Variants in CPAMD8 observed in about 807,000 individuals in gnomAD.
CPAMD8 encodes C3 and PZP-like alpha-2-macroglobulin domain-containing protein 8.
In CPAMD8, 146 loss-of-function variants were observed where a neutral mutation model predicts 224.7. The ratio of observed to expected loss-of-function variants is 0.65; its 90% CI spans 0.57 to 0.75. The LOEUF (loss-of-function observed/expected upper bound fraction) is 0.75, where lower values mean the gene tolerates loss of function less well. Among genes scored for constraint, CPAMD8 ranks in the 30% least tolerant of loss-of-function variants. The pLI, the probability that CPAMD8 is intolerant of heterozygous loss-of-function variation, is 0.00. For synonymous variants in CPAMD8, 966 were observed against 1,044.6 expected (o/e 0.92, Z 1.45); for missense variants, 2,301 against 2,537.5 (o/e 0.91, Z 2.00).
chr19:16,928,204 ACTCATTGGATGG>A lies in CPAMD8; in HGVS notation c.3163_3174del (p.Pro1055_Glu1058del). 1 of 1,613,954 alleles carries A rather than the reference ACTCATTGGATGG, an allele frequency of 6.2e-7. No individual in the cohort carries two copies. The stretch of plus-strand genomic sequence containing the variant: ...GGGAGGGTCCAGGCCACAATGACAG[ACTCATTGGATGG>A]CTCTGGACCATGGCCAACCTGGAAA... On this transcript the variant is annotated inframe_deletion, in exon 25 of 42. Coordinates refer to ENST00000443236, the MANE Select transcript of CPAMD8 (RefSeq NM_015692.5).
chr19:17,023,152 C>G (rs1008880437), intron 1 of CPAMD8, among the ~76,000 whole-genome samples: 4 of 152,112 alleles, frequency 2.6e-5, no homozygotes, highest in Non-Finnish European at 1.5e-5. Flanking sequence ...TCAAAGCAGG[C>G]CTCTCTTTCC....
chr19:16,927,592 G>T (rs1297087025), intron 25 of CPAMD8, among the ~76,000 whole-genome samples: 1 of 151,992 alleles, frequency 6.6e-6, no homozygotes, highest in East Asian at 1.9e-4. Context: ...CCATCACCAA[G>T]ACCCCCCAGG....
intron 21 of CPAMD8, among the ~76,000 whole-genome samples, 162 bp downstream of exon 21, chr19:16,946,912 A>G (rs564939645): frequency 6.6e-6 from 1 of 152,168 alleles, no homozygotes; most frequent in South Asian, 2.1e-4. Context: ...TCCTGGGCCC[A>G]TTCCTTCTGT....
chr19:16,914,791 A>G lies in CPAMD8; in HGVS notation c.3652T>C (p.Ser1218Pro). ...SMWLTAFVLK[S>P]FAQARSFIFV... ...ATAAAGCTGCGAGCCTGTGCGAAGG[A>G]CTTCAGGACAAAGGCTGTGAGCCTG... Residue 1218 changes from serine to proline, a missense_variant, in exon 28 of 42, where the codon TCC becomes CCC. Around this residue, in one of 4 missense-constraint regions of CPAMD8, gnomAD observed 1,709 missense variants for 1,753.2 expected, o/e 0.97. Transcript: ENST00000443236. The G allele has an allele frequency of 1.2e-6, 2 of 1,612,608 alleles. No homozygotes were observed. Among genetic ancestry groups the G allele is most frequent in the South Asian group, 2.2e-5 (2 of 90,852 alleles).
intron 3 of CPAMD8, among the ~76,000 whole-genome samples, chr19:17,019,970 T>TC (rs1395729714): frequency 1.3e-5 from 2 of 148,738 alleles, no homozygotes; most frequent in Non-Finnish European, 3.0e-5. Context: ...TTTTTTCTTT[T>TC]CTTTTTTTTT....
rs992165570 is a variant in CPAMD8 at position 16,945,538 on chromosome 19, C to T, written c.2793+11G>A. The T allele has an allele frequency of 6.2e-7, 1 of 1,613,292 alleles. No homozygotes were observed. Among genetic ancestry groups the T allele is most frequent in the Non-Finnish European group, 8.5e-7 (1 of 1,179,456 alleles). ...CCTGGCTAAGCACCAGAGATGAGGA[C>T]ACGGCCTTACCTCAACCATCACACT... is the stretch of plus-strand genomic sequence containing the variant. On this transcript the variant is annotated intron_variant, in intron 22 of 41. Coordinates refer to ENST00000443236, the MANE Select transcript of CPAMD8 (RefSeq NM_015692.5).
At position 16,893,221 on chromosome 19, in the gene CPAMD8, C is replaced by G; in HGVS notation, c.5545G>C (p.Val1849Leu). 6.3e-7 allele frequency: 1 copy of G among 1,589,418 alleles called. No individual in the cohort carries two copies. Among genetic ancestry groups the G allele is most frequent in the Non-Finnish European group, 8.6e-7 (1 of 1,166,258 alleles). ...AGCCCTGGCCTGTGGGCCCCCACCACCCGGCCACTATGTCTCTGAGGGGCC... is the reference window on the plus strand; with the variant it reads ...AGCCCTGGCCTGTGGGCCCCCACCAGCCGGCCACTATGTCTCTGAGGGGCC... ...TPAPQRHSGR[V>L]VGAHRPGLLS... is the part of the protein sequence containing the mutation. The change falls in exon 42 of 42, where the codon GTG (valine) becomes CTG (leucine). Residue 1849 changes from valine (V) to leucine (L), a missense_variant. Val to Leu is a conservative substitution (Grantham distance 32, BLOSUM62 1). Coordinates refer to ENST00000443236, the MANE Select transcript of CPAMD8 (RefSeq NM_015692.5).
intron 13 of CPAMD8, 124 bp downstream of exon 13, chr19:16,989,519 T>C (rs1387077020): frequency 3.3e-6 from 4 of 1,200,974 alleles, no homozygotes; most frequent in Non-Finnish European, 4.7e-6. Context: ...AATCCTAACC[T>C]CCAGTGATCC....
Position 17,002,339 on chromosome 19 carries a change from A to G in CPAMD8, c.685T>C (p.Phe229Leu). The change falls in exon 9 of 42, where the codon TTT (phenylalanine) becomes CTT (leucine). Residue 229 changes from phenylalanine (F) to leucine (L), a missense_variant. By Grantham distance (22) the Phe-to-Leu change is conservative (BLOSUM62 0). Coordinates refer to ENST00000443236, the MANE Select transcript of CPAMD8 (RefSeq NM_015692.5). ...CGGGGCGGGTCAATCAGAAGCTCAA[A>G]CTTGGGCAACACTGAAGAAAGCAAG... is the stretch of plus-strand genomic sequence containing the variant. ...FEVQKYVLPK[F>L]ELLIDPPRYI... 1.2e-6 allele frequency: 2 copies of G among 1,604,660 alleles called. No homozygotes were observed. Among genetic ancestry groups the G allele is most frequent in the South Asian group, 1.1e-5 (1 of 89,896 alleles).
At chr19:17,012,208 G>A (rs529803038) in intron 3 of CPAMD8, among the ~76,000 whole-genome samples, 4 of 152,210 alleles carry the variant, frequency 2.6e-5, no homozygotes, top group East Asian at 1.9e-4. Context: ...TAGTAGAAAC[G>A]GGGTTTCACC....
At chr19:16,940,599 C>T (rs111608174) in intron 22 of CPAMD8, among the ~76,000 whole-genome samples, 1,892 of 152,294 alleles carry the variant, frequency 0.012, 22 homozygotes, top group Middle Eastern at 0.031. Flanking sequence ...TTACAAAGCT[C>T]TCCTTGAAAT....
Position 16,904,217 on chromosome 19 carries a change from C to CCGGCT in CPAMD8, c.4251+4_4251+8dup. On this transcript the variant is annotated intron_variant, in intron 32 of 41. Transcript: ENST00000443236. ...CCTGAGCCCCTCCCTCTGGCCCTGC[C>CCGGCT]CGGCTCGCCTGAGTGGAGGAGAAGC... 1 of 1,603,372 alleles carries CCGGCT rather than the reference C, an allele frequency of 6.2e-7. No homozygotes were observed. Among genetic ancestry groups the CCGGCT allele is most frequent in the Non-Finnish European group, 8.5e-7 (1 of 1,176,218 alleles).
At chr19:16,995,335 T>G (rs2056089536) in intron 11 of CPAMD8, among the ~76,000 whole-genome samples, 1 of 152,242 alleles carries the variant, frequency 6.6e-6, no homozygotes, top group African/African-American at 2.4e-5. Flanking sequence ...CTGGGCTCTG[T>G]TGGCCTTGCC....
intron 29 of CPAMD8, among the ~76,000 whole-genome samples, chr19:16,912,955 C>T (rs1312654018): frequency 1.3e-5 from 2 of 152,176 alleles, no homozygotes; most frequent in South Asian, 2.1e-4. Context: ...AATTATTCTA[C>T]AGGAAAACAA....
chr19:16,905,280 T>C (rs2052425479), intron 30 of CPAMD8, among the ~76,000 whole-genome samples: 1 of 142,864 alleles, frequency 7.0e-6, no homozygotes, highest in Non-Finnish European at 1.5e-5. Flanking sequence ...AAAATAATAA[T>C]AATAATTTAA....
rs769473972 is a variant in CPAMD8 at position 16,902,660 on chromosome 19, C to T, written c.4674G>A (p.Glu1558=). Reference sequence around the variant, plus strand: ...GCAGGTGGCCTTACCTGGTGCACACCTCCAGCATCACCTTGTATTCCTGGT... The same window carrying T: ...GCAGGTGGCCTTACCTGGTGCACACTTCCAGCATCACCTTGTATTCCTGGT... ...QHHQEYKVML[E]VCTRWLHAGS... The change falls in exon 35 of 42, where the codon GAG becomes GAA. Residue 1558 remains glutamate (E), a synonymous_variant. Transcript: ENST00000443236. 6.2e-6 allele frequency: 10 copies of T among 1,607,734 alleles called. No homozygotes were observed. The African/African-American group carries it at 1.1e-4, about 17-fold the overall frequency.
intron 32 of CPAMD8, 50 bp downstream of exon 32, chr19:16,904,176 A>AGCCC: frequency 3.2e-6 from 3 of 937,334 alleles, no homozygotes; most frequent in Non-Finnish European, 5.0e-6. Flanking sequence ...GACTGCAGGG[A>AGCCC]CCCCACCCAC....
chr19:16,984,829 G>C (rs2055654706), intron 13 of CPAMD8, among the ~76,000 whole-genome samples: 1 of 152,158 alleles, frequency 6.6e-6, no homozygotes, highest in Non-Finnish European at 1.5e-5. Context: ...GGGCAACATA[G>C]TGAAACCCCT....
intron 29 of CPAMD8, chr19:16,910,813 G>A (rs919185099): frequency 2.6e-5 from 4 of 152,348 alleles, no homozygotes; most frequent in Admixed American, 2.6e-4. Flanking sequence ...GACGAGAAGG[G>A]GAGAAGACAG....
Sources: gnomAD v4.1 joint callset for allele counts (sites outside exome capture counted in the v4.1 genomes callset) on GRCh38, gnomAD v4.1.1 for gene constraint, gnomAD v4.1.1 regional missense constraint, MANE v1.5 for transcripts, NCBI Gene and HGNC (gene_info 2026-07-23, HGNC 2026-07-21) for gene names.